Variants in DLG2 observed in about 807,000 individuals in gnomAD.
The protein encoded by DLG2 is discs large MAGUK scaffold protein 2.
DLG2 carries 45 observed loss-of-function variants against 132.5 expected under a neutral mutation model. That is an observed-to-expected ratio of 0.34 (90% CI 0.27 to 0.44). The LOEUF is 0.44. DLG2 is among the 20% of genes least tolerant of loss of function. The pLI, the probability that DLG2 is intolerant of heterozygous loss-of-function variation, is 1.00. For synonymous variants in DLG2, 424 were observed against 419.6 expected, an observed-to-expected ratio of 1.01 and a Z score of -0.13; for missense variants, 1,045 against 1,196.9, an observed-to-expected ratio of 0.87 and a Z score of 1.87.
At chr11:83,527,099 G>A (rs1294619485) in intron 21 of DLG2, among the ~76,000 whole-genome samples, 1 of 152,190 alleles carries the variant, frequency 6.6e-6, no homozygotes, top group East Asian at 1.9e-4. Context: ...AGGCCACAGT[G>A]AGAAAGTGTG....
chr11:85,401,202 G>GA, intron 3 of DLG2, among the ~76,000 whole-genome samples: 1 of 152,192 alleles, frequency 6.6e-6, no homozygotes, highest in African/African-American at 2.4e-5. Flanking sequence ...ATCAATAAAA[G>GA]TAATCCATCA....
chr11:85,142,335 T>A (rs1028131346), intron 5 of DLG2, among the ~76,000 whole-genome samples: 6 of 151,766 alleles, frequency 4.0e-5, no homozygotes, highest in African/African-American at 1.4e-4. Context: ...AATGGGAGTT[T>A]TTTTCTTGGT....
chr11:85,543,384 CATTG>C (rs2076099959), intron 3 of DLG2, among the ~76,000 whole-genome samples: 1 of 152,176 alleles, frequency 6.6e-6, no homozygotes, highest in South Asian at 2.1e-4. Context: ...TCCAGTCTAT[CATTG>C]ATGGACATTT....
intron 7 of DLG2, among the ~76,000 whole-genome samples, chr11:84,254,557 G>A (rs1026368479): frequency 1.6e-4 from 24 of 152,160 alleles, no homozygotes; most frequent in Admixed American, 5.9e-4. Flanking sequence ...GCTTTGTAAA[G>A]CACTTCTAAA....
intron 3 of DLG2, among the ~76,000 whole-genome samples, chr11:85,302,369 T>C (rs1200021220): frequency 2.6e-5 from 4 of 152,206 alleles, no homozygotes; most frequent in African/African-American, 9.6e-5. Flanking sequence ...TTGGCTTTCT[T>C]TTTTCTATGC....
chr11:83,639,603 G>C (rs949061233), intron 18 of DLG2, among the ~76,000 whole-genome samples: 2 of 130,850 alleles, frequency 1.5e-5, no homozygotes, highest in Non-Finnish European at 3.2e-5. Flanking sequence ...ACCGGGGCCT[G>C]TTGTGGGGTG....
intron 3 of DLG2, among the ~76,000 whole-genome samples, chr11:85,536,996 T>C (rs2075631663): frequency 1.3e-5 from 2 of 152,174 alleles, no homozygotes; most frequent in South Asian, 2.1e-4. Context: ...CAAAGGATTG[T>C]AAATGCATCA....
rs533302303 is a variant in DLG2, at chr11:85,438,680, G to T, written c.41-153315C>A. 2.2e-4 allele frequency among the ~76,000 whole-genome samples: 34 copies of T among 152,238 alleles called. No individual in the cohort carries two copies. The South Asian group carries it at 5.8e-3, about 26-fold the overall frequency. ...CCATTTTACTTGTCCTCATCTTTGT[G>T]TGTGTATGTACATGTATATCATGTG... On this transcript the variant is annotated intron_variant, in intron 3 of 27. Coordinates refer to ENST00000376104, the MANE Select transcript of DLG2 (RefSeq NM_001142699.3).
At chr11:84,123,036 CAG>C (rs1178642036) in intron 9 of DLG2, among the ~76,000 whole-genome samples, 1 of 152,070 alleles carries the variant, frequency 6.6e-6, no homozygotes, top group Non-Finnish European at 1.5e-5. Flanking sequence ...CTAATATTTG[CAG>C]AGAGACATGA....
chr11:85,487,958 T>G (rs1427068375), intron 3 of DLG2, among the ~76,000 whole-genome samples: 1 of 152,146 alleles, frequency 6.6e-6, no homozygotes, highest in African/African-American at 2.4e-5. Context: ...AGGGACCCAG[T>G]GGGAGATAAT....
chr11:84,891,027 T>C (rs2089294555), intron 6 of DLG2: 1 of 152,170 alleles, frequency 6.6e-6, no homozygotes, highest in Non-Finnish European at 1.5e-5. Flanking sequence ...TTAGACTTTT[T>C]CTTACCATCC....
chr11:83,479,701 G>A (rs1321159931), intron 22 of DLG2, among the ~76,000 whole-genome samples: 7 of 152,038 alleles, frequency 4.6e-5, no homozygotes, highest in Non-Finnish European at 7.4e-5. Context: ...ACAAAGACCA[G>A]AAATAACTTT....
At chr11:83,852,155 T>A (rs777303176) in intron 16 of DLG2, among the ~76,000 whole-genome samples, 1 of 152,176 alleles carries the variant, frequency 6.6e-6, no homozygotes, top group Non-Finnish European at 1.5e-5. Context: ...TGAGAGACAA[T>A]ACATTTCTGT....
intron 18 of DLG2, among the ~76,000 whole-genome samples, chr11:83,720,085 G>A (rs1382602308): frequency 1.3e-5 from 2 of 151,716 alleles, no homozygotes; most frequent in Non-Finnish European, 2.9e-5. Context: ...CTGAGGTCAG[G>A]AGCTCGAGAC....
At chr11:85,110,291 C>T (rs2072495949) in intron 6 of DLG2, among the ~76,000 whole-genome samples, 1 of 151,958 alleles carries the variant, frequency 6.6e-6, no homozygotes, top group South Asian at 2.1e-4. Flanking sequence ...GTGGCATGCA[C>T]CTGTAATCCC....
At chr11:83,908,351 T>C (rs2075409906) in intron 15 of DLG2, among the ~76,000 whole-genome samples, 1 of 152,082 alleles carries the variant, frequency 6.6e-6, no homozygotes, top group African/African-American at 2.4e-5. Flanking sequence ...CTTCCCACTA[T>C]GTTAACCTTC....
At chr11:84,650,933 G>C (rs1035322201) in intron 6 of DLG2, among the ~76,000 whole-genome samples, 1 of 126,966 alleles carries the variant, frequency 7.9e-6, no homozygotes, top group South Asian at 3.0e-4. Flanking sequence ...AGTACCGTTT[G>C]CATGGTAAAA....
chr11:84,106,976 T>TAG (rs2092992122), intron 9 of DLG2, among the ~76,000 whole-genome samples: 1 of 52,538 alleles, frequency 1.9e-5, no homozygotes, highest in Admixed American at 2.0e-4. Context: ...GTTTTAGCCT[T>TAG]AGGGTGTGTG....
chr11:85,146,880 A>G (rs1295401778), intron 5 of DLG2, among the ~76,000 whole-genome samples: 1 of 152,168 alleles, frequency 6.6e-6, no homozygotes, highest in African/African-American at 2.4e-5. Flanking sequence ...TGGTGGAGCT[A>G]CCCCAAACTC....
Sources: allele counts gnomAD v4.1 joint callset (sites outside exome capture counted in the v4.1 genomes callset), GRCh38; gene constraint gnomAD v4.1.1; transcripts MANE v1.5; gene names NCBI Gene and HGNC (gene_info 2026-07-23, HGNC 2026-07-21).